Variants in PSMB2 observed in about 807,000 individuals in gnomAD.
PSMB2 encodes proteasome 20S subunit beta 2.
A neutral mutation model predicts 25.7 loss-of-function variants in PSMB2; 13 were observed. The observed-to-expected ratio is 0.51, with a 90% CI of 0.33 to 0.80. PSMB2 has a LOEUF of 0.80. Ranked by LOEUF, PSMB2 falls within the 30% of genes least tolerant of loss-of-function variation. PSMB2 has a pLI of 0.02. For missense variants in PSMB2, 202 were observed against 259.0 expected, an observed-to-expected ratio of 0.78 and a Z score of 1.51; for synonymous variants, 87 against 96.2, an observed-to-expected ratio of 0.90 and a Z score of 0.56.
intron 3 of PSMB2, among the ~76,000 whole-genome samples, chr1:35,629,193 C>A (rs957130340): frequency 5.3e-5 from 8 of 152,192 alleles, no homozygotes; most frequent in African/African-American, 1.9e-4. Context: ...GATTTACAAG[C>A]ATTCATTTTC....
intron 3 of PSMB2, among the ~76,000 whole-genome samples, chr1:35,619,834 T>C (rs1015883265): frequency 1.3e-5 from 2 of 152,232 alleles, no homozygotes; most frequent in Non-Finnish European, 2.9e-5. Flanking sequence ...ACACAGTATT[T>C]GTTTTCTACA....
intron 3 of PSMB2, 26 bp downstream of exon 3, chr1:35,631,248 C>T (rs1651086244): frequency 1.2e-6 from 2 of 1,602,650 alleles, no homozygotes; most frequent in African/African-American, 1.3e-5. Flanking sequence ...TCTGCTCTAT[C>T]TAACAATGTC....
At chr1:35,620,643 G>A (rs1349590634) in intron 3 of PSMB2, among the ~76,000 whole-genome samples, 5 of 151,398 alleles carry the variant, frequency 3.3e-5, no homozygotes, top group African/African-American at 1.2e-4. Flanking sequence ...CAGGAGAATG[G>A]CGTGAACCCG....
chr1:35,626,276 T>G (rs1292438916), intron 3 of PSMB2, among the ~76,000 whole-genome samples: 2 of 152,238 alleles, frequency 1.3e-5, no homozygotes, highest in Non-Finnish European at 2.9e-5. Context: ...TTTCCCCATC[T>G]GTCTTTTTTC....
chr1:35,621,180 T>C (rs1650670818), intron 3 of PSMB2, among the ~76,000 whole-genome samples: 1 of 152,198 alleles, frequency 6.6e-6, no homozygotes, highest in Non-Finnish European at 1.5e-5. Flanking sequence ...CCTTGGTCTG[T>C]GCTTTCAGTT....
chr1:35,608,777 T>A (rs1344601989), intron 4 of PSMB2, among the ~76,000 whole-genome samples: 2 of 152,294 alleles, frequency 1.3e-5, no homozygotes, highest in South Asian at 4.1e-4. Flanking sequence ...GCTTTGATGT[T>A]TAAGCAAAGA....
At chr1:35,617,385 T>C (rs1203503745) in intron 3 of PSMB2, among the ~76,000 whole-genome samples, 1 of 152,156 alleles carries the variant, frequency 6.6e-6, no homozygotes, top group Admixed American at 6.5e-5. Flanking sequence ...TATATTCCTT[T>C]TTAAGGAAAC....
At chr1:35,606,603 T>C (rs1650177283) in intron 4 of PSMB2, among the ~76,000 whole-genome samples, 1 of 152,178 alleles carries the variant, frequency 6.6e-6, no homozygotes, top group South Asian at 2.1e-4. Context: ...GAATTAATAT[T>C]ATGAAGATGA....
At chr1:35,634,059 T>G (rs1374845185) in intron 2 of PSMB2, among the ~76,000 whole-genome samples, 1 of 152,218 alleles carries the variant, frequency 6.6e-6, no homozygotes, top group East Asian at 1.9e-4. Context: ...TATCGTTTGC[T>G]AGGGAGGTTT....
At chr1:35,636,473 G>T (rs749153296) in intron 1 of PSMB2, 41 bp from the exon 2 acceptor site, 1 of 1,594,802 alleles carries the variant, frequency 6.3e-7, no homozygotes, top group African/African-American at 1.4e-5. Context: ...TGCCTTAACA[G>T]ACATTGACCG....
intron 3 of PSMB2, among the ~76,000 whole-genome samples, chr1:35,630,505 G>A (rs1301467980): frequency 6.6e-6 from 1 of 152,092 alleles, no homozygotes. Context: ...ATTTTTCAAT[G>A]TTAAAAAGAA....
rs141142764 is a variant in PSMB2, at chr1:35,613,863, G to T, written c.286-4455C>A. On this transcript the variant is annotated intron_variant, in intron 3 of 5. Coordinates refer to ENST00000373237, the MANE Select transcript of PSMB2 (RefSeq NM_002794.5). ...GGATGATCCCTACTACAAAAGGGTT[G>T]CTGCAGTGAGGATTCCAAAAGATAA... Among the ~76,000 whole-genome samples, 956 of 152,330 alleles carry T rather than the reference G, an allele frequency of 6.3e-3. 14 individuals carry two copies. Among genetic ancestry groups the T allele is most frequent in the African/African-American group, 0.019 (783 of 41,572 alleles).
rs534964325 is a variant in PSMB2 at position 35,600,640 on chromosome 1, T to A, written c.*2627A>T. The A allele has an allele frequency of 1.0e-6, 1 of 985,396 alleles. No homozygotes were observed. Among genetic ancestry groups the A allele is most frequent in the Admixed American group, 6.1e-5 (1 of 16,282 alleles). 61.0% of individuals were successfully genotyped at this position (985,396 alleles called of 1,614,324 possible). Reference sequence around the variant, plus strand: ...AGATGGTAAGGCTCAGCTTTAGACATACTGAGTTCGATGTCCCTAAATCTG... The same window carrying A: ...AGATGGTAAGGCTCAGCTTTAGACAAACTGAGTTCGATGTCCCTAAATCTG... On this transcript the variant is annotated 3_prime_UTR_variant, in exon 6 of 6. Transcript: ENST00000373237.
chr1:35,610,656 C>T (rs900142198), intron 3 of PSMB2, among the ~76,000 whole-genome samples: 12 of 152,040 alleles, frequency 7.9e-5, no homozygotes, highest in African/African-American at 7.2e-5. Flanking sequence ...CCACCACACC[C>T]GGCTAATTTT....
In PSMB2 at chr1:35,631,334, C is replaced by T; in HGVS notation, c.225G>A (p.Leu75=). The T allele has an allele frequency of 6.8e-6, 11 of 1,614,090 alleles. No homozygotes were observed. The highest frequency in any genetic ancestry group is 7.6e-6 in the Non-Finnish European group (9 of 1,179,974). ...QLYKMRNGYE[L]SPTAAANFTR... is the part of the protein sequence containing the mutation. ...TGAAGTTAGCTGCTGCCGTGGGAGACAATTCATATCCTGGTAGAAGAGATA... is the reference window on the plus strand; with the variant it reads ...TGAAGTTAGCTGCTGCCGTGGGAGATAATTCATATCCTGGTAGAAGAGATA... The change falls in exon 3 of 6, where the codon TTG becomes TTA. Residue 75 remains leucine (L), a synonymous_variant. Coordinates refer to ENST00000373237, the MANE Select transcript of PSMB2 (RefSeq NM_002794.5).
intron 2 of PSMB2, among the ~76,000 whole-genome samples, chr1:35,635,157 G>C (rs930241672): frequency 1.3e-5 from 2 of 151,950 alleles, no homozygotes; most frequent in South Asian, 4.2e-4. Context: ...TACTTGGGAG[G>C]CTGAGGCAGG....
intron 3 of PSMB2, among the ~76,000 whole-genome samples, chr1:35,626,027 G>C (rs1177404977): frequency 6.6e-6 from 1 of 151,924 alleles, no homozygotes; most frequent in Non-Finnish European, 1.5e-5. Context: ...TAGTAGAGAT[G>C]GGGTTTCACC....
At chr1:35,627,209 G>C (rs1010578256) in intron 3 of PSMB2, among the ~76,000 whole-genome samples, 3 of 143,524 alleles carry the variant, frequency 2.1e-5, no homozygotes, top group African/African-American at 7.8e-5. Flanking sequence ...TGAGGCTGCA[G>C]TGAGCTGTGA....
At chr1:35,605,111 G>A (rs924950862) in intron 5 of PSMB2, 122 bp downstream of exon 5, 3 of 845,100 alleles carry the variant, frequency 3.5e-6, no homozygotes, top group East Asian at 5.3e-5. Context: ...CTTCACATCT[G>A]GTTAGTGGGT....
Sources: gnomAD v4.1 joint callset for allele counts (sites outside exome capture counted in the v4.1 genomes callset) on GRCh38, gnomAD v4.1.1 for gene constraint, MANE v1.5 for transcripts, NCBI Gene and HGNC (gene_info 2026-07-23, HGNC 2026-07-21) for gene names.